The following TBCE variants were observed in gnomAD, a reference collection of about 807,000 sequenced individuals.
TBCE encodes tubulin-specific chaperone E.
Under a neutral mutation model 77.0 loss-of-function variants are expected in TBCE, and 53 were observed. The observed-to-expected ratio is 0.69, with a 90% CI of 0.55 to 0.87. TBCE has a LOEUF of 0.87. Ranked by LOEUF, TBCE falls within the 40% of genes least tolerant of loss-of-function variation. The pLI is 0.00. For synonymous variants in TBCE, 235 were observed against 241.3 expected (o/e 0.97, Z 0.24); for missense variants, 624 against 622.4 (o/e 1.00, Z -0.03).
intron 12 of TBCE, among the ~76,000 whole-genome samples, chr1:235,437,839 A>C (rs1466824486): frequency 6.6e-6 from 1 of 151,878 alleles, no homozygotes; most frequent in Non-Finnish European, 1.5e-5. Flanking sequence ...AAAAAAAAAA[A>C]AGTAAAAAAA....
chr1:235,417,910 C>T (rs1298874355), intron 4 of TBCE, among the ~76,000 whole-genome samples: 1 of 152,140 alleles, frequency 6.6e-6, no homozygotes, highest in South Asian at 2.1e-4. Flanking sequence ...CCTGAGTAGT[C>T]GGGATTACAG....
intron 3 of TBCE, among the ~76,000 whole-genome samples, chr1:235,410,930 G>A (rs570109019): frequency 1.4e-3 from 218 of 152,226 alleles, no homozygotes; most frequent in Admixed American, 2.4e-3. Context: ...ATTAATAAGT[G>A]TTCAGTTTAA....
intron 2 of TBCE, among the ~76,000 whole-genome samples, chr1:235,397,771 A>G (rs1387836580): frequency 6.6e-6 from 1 of 152,190 alleles, no homozygotes; most frequent in African/African-American, 2.4e-5. Flanking sequence ...AATTGAGGCT[A>G]TCAGGGTTTG....
chr1:235,381,685 CAAAAAAAAAAAAAAAAA>C (rs574997840), intron 2 of TBCE, among the ~76,000 whole-genome samples: 1 of 43,192 alleles, frequency 2.3e-5, no homozygotes, highest in Admixed American at 3.8e-4. Flanking sequence ...ACTCCTTCTC[CAAAAAAAAAAAAAAAAA>C]AAAAAAAAAA....
At chr1:235,407,220 A>G (rs1309950507) in intron 3 of TBCE, among the ~76,000 whole-genome samples, 2 of 148,342 alleles carry the variant, frequency 1.3e-5, no homozygotes, top group East Asian at 4.0e-4. Flanking sequence ...TGCAGCCTCA[A>G]CCTCCTATGC....
At chr1:235,389,521 C>T (rs137916132) in intron 2 of TBCE, among the ~76,000 whole-genome samples, 6,610 of 152,032 alleles carry the variant, frequency 0.043, 233 homozygotes, top group African/African-American at 0.095. Context: ...TTGGTAGAAA[C>T]GGGGTTTCAC....
At chr1:235,381,455 C>T (rs527757720) in intron 2 of TBCE, among the ~76,000 whole-genome samples, 70 of 151,912 alleles carry the variant, frequency 4.6e-4, no homozygotes, top group African/African-American at 1.5e-3. Context: ...GAGGCCAAGG[C>T]GGGCGGATCA....
At chr1:235,440,834 C>T (rs922867778) in intron 13 of TBCE, 9 of 152,224 alleles carry the variant, frequency 5.9e-5, no homozygotes, top group African/African-American at 2.2e-4. Context: ...TCCTTAAATC[C>T]TCCAGCCTGG....
intron 1 of TBCE, among the ~76,000 whole-genome samples, chr1:235,368,049 G>T (rs539554058): frequency 6.6e-6 from 1 of 152,124 alleles, no homozygotes; most frequent in Admixed American, 6.6e-5. Context: ...GGGATTACAG[G>T]CGCGTGCCAC....
chr1:235,404,420 A>T (rs1490109026), intron 3 of TBCE, among the ~76,000 whole-genome samples: 2 of 151,244 alleles, frequency 1.3e-5, no homozygotes, highest in African/African-American at 4.9e-5. Flanking sequence ...AGATCTCATC[A>T]TAAAAAAAAA....
chr1:235,417,396 A>G (rs977189776), intron 4 of TBCE, among the ~76,000 whole-genome samples: 9 of 152,238 alleles, frequency 5.9e-5, no homozygotes, highest in Admixed American at 2.6e-4. Context: ...CTTTTGGGCA[A>G]TTGCCGCGAT....
At chr1:235,419,149 G>A (rs1680256522) in intron 4 of TBCE, 2 of 388,962 alleles carry the variant, frequency 5.1e-6, no homozygotes, top group African/African-American at 4.1e-5. Context: ...AGAGGTTGCA[G>A]TGAGTCTAGA....
At chr1:235,412,885 C>T (rs1679893016) in intron 3 of TBCE, among the ~76,000 whole-genome samples, 1 of 152,152 alleles carries the variant, frequency 6.6e-6, no homozygotes, top group South Asian at 2.1e-4. Context: ...CTCACCGCAA[C>T]CTCTGCCTCC....
chr1:235,405,088 G>A (rs902337143), intron 3 of TBCE, among the ~76,000 whole-genome samples: 4 of 151,084 alleles, frequency 2.6e-5, no homozygotes, highest in Admixed American at 2.0e-4. Context: ...TCAGTCTTCC[G>A]AGTAGCTGGG....
intron 7 of TBCE, 21 bp from the exon 8 acceptor site, chr1:235,434,183 T>C (rs765924000): frequency 1.9e-6 from 3 of 1,613,746 alleles, no homozygotes; most frequent in Middle Eastern, 1.6e-4. Context: ...CGCCTGAGCC[T>C]GAACCGAGTT....
At chr1:235,425,116 C>T (rs1385326062) in intron 5 of TBCE, among the ~76,000 whole-genome samples, 1 of 152,194 alleles carries the variant, frequency 6.6e-6, no homozygotes, top group Non-Finnish European at 1.5e-5. Flanking sequence ...TCTTCCACAT[C>T]TGTCTCTCCA....
chr1:235,379,936 A>C (rs1158857726), intron 1 of TBCE, 83 bp from the exon 2 acceptor site: 3 of 816,198 alleles, frequency 3.7e-6, no homozygotes, highest in African/African-American at 1.9e-5. Context: ...CGACAGAGCA[A>C]GACTGTGCCT....
chr1:235,419,370 T>C, intron 4 of TBCE, 103 bp from the exon 5 acceptor site: 1 of 1,534,328 alleles, frequency 6.5e-7, no homozygotes, highest in Non-Finnish European at 8.9e-7. Flanking sequence ...TTGTATATTA[T>C]TTTTGGTACC....
intron 8 of TBCE, among the ~76,000 whole-genome samples, chr1:235,435,067 A>G (rs374370088): frequency 1.3e-5 from 2 of 151,986 alleles, no homozygotes; most frequent in South Asian, 2.1e-4. Flanking sequence ...TCGTTTACAG[A>G]AGGGTTTCAT....
Sources: allele counts gnomAD v4.1 joint callset (sites outside exome capture counted in the v4.1 genomes callset), GRCh38; gene constraint gnomAD v4.1.1; transcripts MANE v1.5; gene names NCBI Gene and HGNC (gene_info 2026-07-23, HGNC 2026-07-21).